Variants in KCNAB1 observed in about 807,000 individuals in gnomAD.
The protein encoded by KCNAB1 is potassium voltage-gated channel subfamily A regulatory beta subunit 1, also known as voltage-gated potassium channel subunit beta-1.
KCNAB1 carries 35 observed loss-of-function variants against 64.6 expected under a neutral mutation model. The observed-to-expected ratio is 0.54, with a 90% CI of 0.41 to 0.72. KCNAB1 has a LOEUF of 0.72. KCNAB1 is among the 30% of genes least tolerant of loss of function. KCNAB1 has a pLI of 0.00. For missense variants in KCNAB1, 401 were observed against 512.9 expected, an observed-to-expected ratio of 0.78 and a Z score of 2.11; for synonymous variants, 177 against 183.8, an observed-to-expected ratio of 0.96 and a Z score of 0.30.
intron 1 of KCNAB1, among the ~76,000 whole-genome samples, chr3:156,334,309 G>A (rs2108051166): frequency 6.6e-6 from 1 of 152,290 alleles, no homozygotes; most frequent in East Asian, 1.9e-4. Flanking sequence ...CCTGACCAGT[G>A]GATTTATCTC....
chr3:156,476,056 G>C (rs977673408), intron 8 of KCNAB1, among the ~76,000 whole-genome samples: 1 of 152,086 alleles, frequency 6.6e-6, no homozygotes, highest in African/African-American at 2.4e-5. Flanking sequence ...GCAAAGATTA[G>C]GTGTTTGAGA....
At chr3:156,458,750 A>G (rs1712651218) in intron 4 of KCNAB1, among the ~76,000 whole-genome samples, 1 of 152,212 alleles carries the variant, frequency 6.6e-6, no homozygotes, top group African/African-American at 2.4e-5. Flanking sequence ...ACTAAGGTAG[A>G]AAAAGGGAGA....
At chr3:156,167,145 A>G (rs1238548318) in intron 1 of KCNAB1, among the ~76,000 whole-genome samples, 3 of 152,160 alleles carry the variant, frequency 2.0e-5, no homozygotes, top group African/African-American at 4.8e-5. Context: ...GAATCCTGGT[A>G]TTCCCTCACT....
At chr3:156,198,438 T>G (rs927913451) in intron 1 of KCNAB1, among the ~76,000 whole-genome samples, 21 of 152,148 alleles carry the variant, frequency 1.4e-4, no homozygotes, top group Admixed American at 4.6e-4. Context: ...TCTTTGTAGC[T>G]CTCTAAGAAC....
chr3:156,407,658 G>A (rs543420639), intron 1 of KCNAB1, among the ~76,000 whole-genome samples: 1 of 152,318 alleles, frequency 6.6e-6, no homozygotes, highest in East Asian at 1.9e-4. Context: ...TGTGCTGAAA[G>A]TCACTATTGA....
At chr3:156,402,754 TACC>T (rs1713993022) in intron 1 of KCNAB1, among the ~76,000 whole-genome samples, 1 of 152,224 alleles carries the variant, frequency 6.6e-6, no homozygotes, top group South Asian at 2.1e-4. Context: ...CTTGTAATTA[TACC>T]ACAAGGAAAC....
chr3:156,369,560 G>C (rs1054746699), intron 1 of KCNAB1, among the ~76,000 whole-genome samples: 1 of 152,210 alleles, frequency 6.6e-6, no homozygotes, highest in Admixed American at 6.5e-5. Flanking sequence ...TTAAAGGGGA[G>C]AGAAGCAGCA....
At chr3:156,188,209 G>A (rs915953799) in intron 1 of KCNAB1, among the ~76,000 whole-genome samples, 1 of 150,166 alleles carries the variant, frequency 6.7e-6, no homozygotes, top group African/African-American at 2.4e-5. Context: ...ATCTCCCTGT[G>A]GGGTTTTTTT....
At chr3:156,456,073 G>C (rs1712405153) in intron 3 of KCNAB1, 1 of 152,206 alleles carries the variant, frequency 6.6e-6, no homozygotes, top group Non-Finnish European at 1.5e-5. Context: ...AAACCAGGAA[G>C]CTAAATTTAC....
intron 6 of KCNAB1, among the ~76,000 whole-genome samples, chr3:156,464,487 ATAATAATAAT>A (rs1219740949): frequency 2.0e-5 from 3 of 149,946 alleles, no homozygotes; most frequent in African/African-American, 7.4e-5. Context: ...TCGCAAAAAA[ATAATAATAAT>A]AATAATAATA....
chr3:156,290,270 G>T (rs776887909), intron 1 of KCNAB1, among the ~76,000 whole-genome samples: 2 of 152,214 alleles, frequency 1.3e-5, no homozygotes, highest in Non-Finnish European at 2.9e-5. Context: ...GAGGGGGACA[G>T]TGCTTCCTTT....
At chr3:156,339,044 G>A (rs930672447) in intron 1 of KCNAB1, among the ~76,000 whole-genome samples, 2 of 152,172 alleles carry the variant, frequency 1.3e-5, no homozygotes, top group Non-Finnish European at 2.9e-5. Context: ...CATGGCAAGG[G>A]TTGAGTAGGC....
At chr3:156,158,189 AATAAAT>A (rs1715864431) in intron 1 of KCNAB1, among the ~76,000 whole-genome samples, 3 of 124,438 alleles carry the variant, frequency 2.4e-5, no homozygotes, top group South Asian at 2.4e-4. Flanking sequence ...AAAATAAATA[AATAAAT>A]AAATAAATAA....
chr3:156,224,253 C>T (rs1576622282), intron 1 of KCNAB1, among the ~76,000 whole-genome samples: 1 of 152,246 alleles, frequency 6.6e-6, no homozygotes, highest in Non-Finnish European at 1.5e-5. Context: ...CCACCCGGAA[C>T]TCGTGCTGGC....
chr3:156,455,186 G>T (rs1299686598), intron 3 of KCNAB1, among the ~76,000 whole-genome samples: 1 of 152,234 alleles, frequency 6.6e-6, no homozygotes, highest in Admixed American at 6.5e-5. Context: ...ACCAATAGCA[G>T]TGAGTTCACC....
At chr3:156,271,927 G>A (rs963082099) in intron 1 of KCNAB1, among the ~76,000 whole-genome samples, 8 of 152,192 alleles carry the variant, frequency 5.3e-5, no homozygotes, top group Admixed American at 1.3e-4. Context: ...GACCTCTCAG[G>A]CCAAGTAACA....
In KCNAB1 at chr3:156,347,533, T is replaced by C. The variant is rs1430562756; in HGVS notation, c.276-74083T>C. Among the ~76,000 whole-genome samples, 8 of 152,336 alleles carry C rather than the reference T, an allele frequency of 5.3e-5. No individual in the cohort carries two copies. The East Asian group carries it at 1.2e-3, about 22-fold the overall frequency. On this transcript the variant is annotated intron_variant, in intron 1 of 13. Coordinates refer to ENST00000490337, the MANE Select transcript of KCNAB1 (RefSeq NM_172160.3). ...TTTGGACTTCTTCAGTTCCATATTA[T>C]AAAAAACTCATCCACCAGTTAGCAC... is the stretch of plus-strand genomic sequence containing the variant.
intron 1 of KCNAB1, among the ~76,000 whole-genome samples, chr3:156,211,513 A>G (rs1035091189): frequency 6.6e-6 from 1 of 152,342 alleles, no homozygotes; most frequent in African/African-American, 2.4e-5. Flanking sequence ...TCTAAAATCA[A>G]TCTCTCAGCT....
intron 1 of KCNAB1, among the ~76,000 whole-genome samples, chr3:156,296,517 A>G (rs1419748853): frequency 8.1e-6 from 1 of 123,316 alleles, no homozygotes; most frequent in South Asian, 2.9e-4. Context: ...TCTGTAGCGC[A>G]GGCTGGAGGG....
Sources: gnomAD v4.1 joint callset for allele counts (sites outside exome capture counted in the v4.1 genomes callset) on GRCh38, gnomAD v4.1.1 for gene constraint, MANE v1.5 for transcripts, NCBI Gene and HGNC (gene_info 2026-07-23, HGNC 2026-07-21) for gene names.